DGKD: variants seen among roughly 807,000 people sequenced by gnomAD.
The protein encoded by DGKD is diacylglycerol kinase delta, also known as DAG kinase delta.
DGKD carries 68 observed loss-of-function variants against 154.4 expected under a neutral mutation model. The observed-to-expected ratio is 0.44, with a 90% CI of 0.36 to 0.54. DGKD has a LOEUF of 0.54. Among genes scored for constraint, DGKD ranks in the 20% least tolerant of loss-of-function variants. The probability of loss-of-function intolerance (pLI) is 0.00; values close to 1 mark genes in which losing one functional copy is unlikely to be tolerated. For synonymous variants in DGKD, 693 were observed against 638.0 expected, an observed-to-expected ratio of 1.09 and a Z score of -1.30; for missense variants, 1,343 against 1,593.6, an observed-to-expected ratio of 0.84 and a Z score of 2.68.
At chr2:233,357,763 C>T (rs10185174) in intron 1 of DGKD, among the ~76,000 whole-genome samples, 14,700 of 152,012 alleles carry the variant, frequency 0.097, 1,013 homozygotes, top group African/African-American at 0.2. Flanking sequence ...TCTCAAACTC[C>T]TGAGCTCAAG....
chr2:233,466,025 T>C (rs1355625526), intron 27 of DGKD, among the ~76,000 whole-genome samples: 3 of 152,186 alleles, frequency 2.0e-5, no homozygotes, highest in Non-Finnish European at 2.9e-5. Flanking sequence ...CATCAACTTA[T>C]GACAGTTATA....
intron 3 of DGKD, among the ~76,000 whole-genome samples, chr2:233,418,086 A>G (rs1425224600): frequency 2.0e-5 from 3 of 152,244 alleles, no homozygotes; most frequent in African/African-American, 4.8e-5. Flanking sequence ...AGACTAGTTT[A>G]TGACCTGCTT....
intron 10 of DGKD, chr2:233,442,543 A>G (rs371355522): frequency 4.1e-6 from 1 of 245,484 alleles, no homozygotes; most frequent in South Asian, 5.7e-5. Flanking sequence ...ATCACAGTAC[A>G]TACAATGCAC....
chr2:233,364,859 A>G (rs954734212), intron 1 of DGKD, among the ~76,000 whole-genome samples: 3 of 152,212 alleles, frequency 2.0e-5, no homozygotes, highest in African/African-American at 7.2e-5. Flanking sequence ...AATCCTGACT[A>G]GGCTATTTGA....
intron 12 of DGKD, 176 bp from the exon 13 acceptor site, chr2:233,447,911 T>C (rs767811162): frequency 5.6e-6 from 8 of 1,437,534 alleles, no homozygotes; most frequent in Non-Finnish European, 7.3e-6. Flanking sequence ...ACTAGGTGAG[T>C]CCCAGATTAG....
chr2:233,464,097 C>G (rs371389790), intron 26 of DGKD, 67 bp from the exon 27 acceptor site: 103 of 1,602,078 alleles, frequency 6.4e-5, no homozygotes, highest in South Asian at 7.8e-5. Context: ...ACCTCACCCC[C>G]CTGGGCCTCG....
At chr2:233,388,680 G>A in intron 2 of DGKD, 1 of 222,400 alleles carries the variant, frequency 4.5e-6, no homozygotes, top group Non-Finnish European at 8.7e-6. Flanking sequence ...GGAATCACGG[G>A]GCTATGAATT....
At chr2:233,371,240 T>A (rs1702305690) in intron 1 of DGKD, among the ~76,000 whole-genome samples, 1 of 151,916 alleles carries the variant, frequency 6.6e-6, no homozygotes, top group Non-Finnish European at 1.5e-5. Flanking sequence ...ATAATATAAA[T>A]GTTATAATAT....
At chr2:233,368,491 G>T (rs748583859) in intron 1 of DGKD, among the ~76,000 whole-genome samples, 5 of 152,120 alleles carry the variant, frequency 3.3e-5, no homozygotes, top group Non-Finnish European at 4.4e-5. Context: ...CAGGCTGGGC[G>T]ACAGAGCGAG....
In DGKD at chr2:233,441,381, G is replaced by A. The variant is rs2062881446; in HGVS notation, c.1086-506G>A. 6.6e-6 allele frequency among the ~76,000 whole-genome samples: 1 copy of A among 152,204 alleles called. No homozygotes were observed. Among genetic ancestry groups the A allele is most frequent in the Non-Finnish European group, 1.5e-5 (1 of 68,028 alleles). ...TCCAGGGTGACCAGAACAAGGGCCA[G>A]GGCGGAAGCCAGACTGTGGCCCAGG... On this transcript the variant is annotated intron_variant, in intron 9 of 29. Transcript: ENST00000264057. This position sits in a 1 kb window ranked among gnomAD's most constrained non-coding sequence, Gnocchi z 5.6.
At chr2:233,386,900 A>C (rs750443109) in intron 1 of DGKD, among the ~76,000 whole-genome samples, 1 of 152,222 alleles carries the variant, frequency 6.6e-6, no homozygotes, top group Non-Finnish European at 1.5e-5. Flanking sequence ...CAGGAAGGGC[A>C]CAGTGAGGAT....
chr2:233,367,438 A>G (rs1421468294), intron 1 of DGKD, among the ~76,000 whole-genome samples: 9 of 152,100 alleles, frequency 5.9e-5, no homozygotes, highest in African/African-American at 2.2e-4. Context: ...CATGTTGGCC[A>G]GGCTGGTCTC....
At chr2:233,375,269 C>T (rs142146182) in intron 1 of DGKD, among the ~76,000 whole-genome samples, 80 of 151,016 alleles carry the variant, frequency 5.3e-4, no homozygotes, top group Admixed American at 1.8e-3. Context: ...CCAGCCTGGG[C>T]GACAGAATGA....
chr2:233,437,299 C>T (rs2062730242), intron 7 of DGKD, 78 bp from the exon 8 acceptor site: 6 of 1,367,966 alleles, frequency 4.4e-6, no homozygotes, highest in Admixed American at 1.8e-5. Context: ...GCCAGCTCAT[C>T]AGCTACAGGG....
At chr2:233,375,255 C>T (rs1042648791) in intron 1 of DGKD, among the ~76,000 whole-genome samples, 26 of 151,934 alleles carry the variant, frequency 1.7e-4, no homozygotes, top group Non-Finnish European at 2.6e-4. Flanking sequence ...CGTGCCACCG[C>T]GCTCCAGCCT....
chr2:233,436,979 A>T lies in DGKD; in HGVS notation c.820-398A>T, dbSNP rs566427458. ...TTGGTCATTGTGAAGTGGCTGCTGC[A>T]GTCACTTGCCTAGCACATCTGGCTG... On this transcript the variant is annotated intron_variant, in intron 7 of 29. Transcript: ENST00000264057. 8.5e-5 allele frequency among the ~76,000 whole-genome samples: 13 copies of T among 152,332 alleles called. No homozygotes were observed. In the South Asian group the frequency reaches 2.7e-3, roughly 32 times the overall value.
At chr2:233,365,261 C>T (rs536570317) in intron 1 of DGKD, among the ~76,000 whole-genome samples, 42 of 150,670 alleles carry the variant, frequency 2.8e-4, no homozygotes, top group African/African-American at 7.3e-4. Context: ...GACGGAGTTT[C>T]GCTCTGTTGC....
At position 233,471,042 on chromosome 2, in the gene DGKD, C is replaced by T. The variant is rs2063997359; in HGVS notation, c.*1582C>T. 6.6e-6 allele frequency: 1 copy of T among 152,430 alleles called. No individual in the cohort carries two copies. Among genetic ancestry groups the T allele is most frequent in the Non-Finnish European group, 1.5e-5 (1 of 68,178 alleles). The allele number at this position is 152,430 out of a possible 1,614,324, so 9.4% of individuals were successfully genotyped here. ...GGCAGTGAACAGCACTGGCCCACCT[C>T]CCACTCACAGCCCCTCTGTCCCCTC... On this transcript the variant is annotated 3_prime_UTR_variant, in exon 30 of 30. Transcript: ENST00000264057.
intron 24 of DGKD, 25 bp from the exon 25 acceptor site, chr2:233,462,323 T>G: frequency 6.3e-7 from 1 of 1,575,062 alleles, no homozygotes; most frequent in Non-Finnish European, 8.7e-7. Flanking sequence ...GCCTGACATC[T>G]GCCCGTGCTT....
Sources: allele counts gnomAD v4.1 joint callset (sites outside exome capture counted in the v4.1 genomes callset), GRCh38; gene constraint gnomAD v4.1.1; non-coding constraint Gnocchi (gnomAD v3.1); transcripts MANE v1.5; gene names NCBI Gene and HGNC (gene_info 2026-07-23, HGNC 2026-07-21).